Variants in SPOCK3 observed in about 807,000 individuals in gnomAD.
SPOCK3 encodes SPARC (osteonectin), cwcv and kazal like domains proteoglycan 3, also known as testican-3.
A neutral mutation model predicts 56.6 loss-of-function variants in SPOCK3; 30 were observed. That is an observed-to-expected ratio of 0.53 (90% CI 0.40 to 0.72). The LOEUF is 0.72. Ranked by LOEUF, SPOCK3 falls within the 30% of genes least tolerant of loss-of-function variation. The pLI, the probability that SPOCK3 is intolerant of heterozygous loss-of-function variation, is 0.00. For missense variants in SPOCK3, 527 were observed against 530.0 expected (o/e 0.99, Z 0.06); for synonymous variants, 196 against 183.3 (o/e 1.07, Z -0.56).
chr4:167,099,618 G>A (rs1182814236), intron 2 of SPOCK3, among the ~76,000 whole-genome samples: 6 of 151,972 alleles, frequency 3.9e-5, no homozygotes, highest in Admixed American at 3.9e-4. Flanking sequence ...CATAATAAAT[G>A]CAAAGTTTCT....
intron 3 of SPOCK3, among the ~76,000 whole-genome samples, chr4:167,053,875 A>G (rs1013346070): frequency 6.6e-6 from 1 of 152,090 alleles, no homozygotes; most frequent in African/African-American, 2.4e-5. Flanking sequence ...CTAATTCAAC[A>G]TCCCCAAAAA....
intron 3 of SPOCK3, among the ~76,000 whole-genome samples, chr4:167,034,941 T>C (rs1752606331): frequency 6.6e-6 from 1 of 152,138 alleles, no homozygotes; most frequent in Admixed American, 6.5e-5. Flanking sequence ...ACATGTGTGT[T>C]CAAGTATATT....
chr4:166,811,581 C>T (rs1209372435), intron 6 of SPOCK3, among the ~76,000 whole-genome samples: 1 of 151,782 alleles, frequency 6.6e-6, no homozygotes. Flanking sequence ...GAATGATTCA[C>T]ATATGAGAGT....
chr4:167,140,711 T>A (rs1763459139), intron 2 of SPOCK3, among the ~76,000 whole-genome samples: 1 of 151,970 alleles, frequency 6.6e-6, no homozygotes, highest in South Asian at 2.1e-4. Context: ...ACAGTGAAGC[T>A]CCACCCCTCA....
At chr4:167,111,251 T>C (rs989624794) in intron 2 of SPOCK3, among the ~76,000 whole-genome samples, 6 of 152,006 alleles carry the variant, frequency 3.9e-5, no homozygotes, top group South Asian at 4.1e-4. Flanking sequence ...AATGTAAACA[T>C]GCAAGTAAGA....
At chr4:166,986,205 A>G (rs1240499153) in intron 4 of SPOCK3, among the ~76,000 whole-genome samples, 2 of 152,210 alleles carry the variant, frequency 1.3e-5, no homozygotes, top group African/African-American at 4.8e-5. Flanking sequence ...TATGTCAATC[A>G]TAAGTTAAAA....
At chr4:166,771,968 T>C (rs1056640035) in intron 7 of SPOCK3, among the ~76,000 whole-genome samples, 1 of 152,012 alleles carries the variant, frequency 6.6e-6, no homozygotes, top group African/African-American at 2.4e-5. Flanking sequence ...TTAGCATGCT[T>C]GGTAAAATTG....
intron 2 of SPOCK3, among the ~76,000 whole-genome samples, chr4:167,219,586 G>T (rs540349447): frequency 6.6e-6 from 1 of 152,008 alleles, no homozygotes; most frequent in Admixed American, 6.6e-5. Context: ...CCTGTTAAAT[G>T]AGCTTTTACT....
At chr4:166,745,246 G>A (rs1193744078) in intron 8 of SPOCK3, among the ~76,000 whole-genome samples, 4 of 151,800 alleles carry the variant, frequency 2.6e-5, no homozygotes, top group Admixed American at 6.6e-5. Flanking sequence ...GAGAAAGGTC[G>A]GGTTACCCAC....
intron 4 of SPOCK3, among the ~76,000 whole-genome samples, chr4:166,976,817 A>G (rs891717130): frequency 1.3e-5 from 2 of 152,088 alleles, no homozygotes; most frequent in Non-Finnish European, 1.5e-5. Context: ...TTAAATTCTA[A>G]ATATTTTCAC....
chr4:167,048,464 A>G (rs1373881580), intron 3 of SPOCK3, among the ~76,000 whole-genome samples: 1 of 152,154 alleles, frequency 6.6e-6, no homozygotes, highest in Non-Finnish European at 1.5e-5. Flanking sequence ...TGTTATTCAG[A>G]TGATAGGAAA....
chr4:166,908,932 A>G (rs1038406825), intron 5 of SPOCK3, among the ~76,000 whole-genome samples: 3 of 152,046 alleles, frequency 2.0e-5, no homozygotes, highest in Non-Finnish European at 4.4e-5. Flanking sequence ...TTACCTCTCA[A>G]ACAACCTTGA....
At chr4:166,765,660 G>C (rs1737918876) in intron 7 of SPOCK3, among the ~76,000 whole-genome samples, 1 of 152,140 alleles carries the variant, frequency 6.6e-6, no homozygotes, top group African/African-American at 2.4e-5. Flanking sequence ...GGATTGTTTT[G>C]GCAATGTGGG....
chr4:166,938,527 G>T (rs1247440990), intron 4 of SPOCK3, among the ~76,000 whole-genome samples: 1 of 151,980 alleles, frequency 6.6e-6, no homozygotes, highest in Non-Finnish European at 1.5e-5. Context: ...AAGCACATAA[G>T]TACAAAGTTT....
intron 2 of SPOCK3, among the ~76,000 whole-genome samples, chr4:167,071,132 T>C (rs1017857361): frequency 1.3e-5 from 2 of 152,002 alleles, no homozygotes; most frequent in Non-Finnish European, 2.9e-5. Context: ...TCTGAATATA[T>C]AGAGACTGTG....
intron 7 of SPOCK3, among the ~76,000 whole-genome samples, chr4:166,762,694 G>A (rs188139963): frequency 1.3e-5 from 2 of 152,156 alleles, no homozygotes; most frequent in African/African-American, 4.8e-5. Flanking sequence ...TCTGTCTGGA[G>A]ACTATATGCA....
At chr4:166,824,574 C>CA (rs1400740770) in intron 6 of SPOCK3, among the ~76,000 whole-genome samples, 1 of 151,994 alleles carries the variant, frequency 6.6e-6, no homozygotes, top group East Asian at 1.9e-4. Flanking sequence ...GGTTAACACA[C>CA]AAAAAATGAA....
At chr4:167,048,230 A>G (rs545021116) in intron 3 of SPOCK3, among the ~76,000 whole-genome samples, 1 of 151,986 alleles carries the variant, frequency 6.6e-6, no homozygotes, top group Non-Finnish European at 1.5e-5. Flanking sequence ...AGAAGTAAAC[A>G]TGTTCAACTC....
intron 5 of SPOCK3, among the ~76,000 whole-genome samples, chr4:166,912,352 C>T (rs753971476): frequency 5.3e-5 from 8 of 152,104 alleles, no homozygotes; most frequent in Non-Finnish European, 1.2e-4. Flanking sequence ...AGCATGCTAA[C>T]ATTTCTGACT....
Sources: gnomAD v4.1 joint callset for allele counts (sites outside exome capture counted in the v4.1 genomes callset) on GRCh38, gnomAD v4.1.1 for gene constraint, MANE v1.5 for transcripts, NCBI Gene and HGNC (gene_info 2026-07-23, HGNC 2026-07-21) for gene names.